CSTF2: variants seen among roughly 807,000 people sequenced by gnomAD.
CSTF2 encodes the protein cleavage stimulation factor subunit 2, also known as CF-1 64 kDa subunit.
A neutral mutation model predicts 45.4 loss-of-function variants in CSTF2; 8 were observed. The observed-to-expected ratio is 0.18, with a 90% CI of 0.10 to 0.32. The LOEUF (loss-of-function observed/expected upper bound fraction) is 0.32, where lower values mean the gene tolerates loss of function less well. Among genes scored for constraint, CSTF2 ranks in the 10% least tolerant of loss-of-function variants. The pLI is 1.00. For synonymous variants in CSTF2, 155 were observed against 158.9 expected (o/e 0.98, Z 0.18); for missense variants, 253 against 477.1 (o/e 0.53, Z 4.38).
chrX:100,823,755 T>A (rs1045226333), intron 4 of CSTF2, 131 bp from the exon 5 acceptor site: 2 of 793,149 alleles, frequency 2.5e-6, no homozygotes, highest in African/African-American at 4.2e-5. Context: ...ATGACCAAGG[T>A]TTTTTTGTGC....
Position 100,832,808 on chromosome X carries a change from C to G in CSTF2, c.1106C>G (p.Pro369Arg). 1 of 1,211,257 alleles carries G rather than the reference C, an allele frequency of 8.3e-7. No homozygotes were observed. The highest frequency in any genetic ancestry group is 1.7e-5 in the African/African-American group (1 of 57,858). The change falls in exon 10 of 14, where the codon CCA becomes CGA. Residue 369 changes from proline to arginine, a missense_variant. Around this residue, in one of 3 missense-constraint regions of CSTF2, gnomAD observed 200 missense variants for 294.0 expected, o/e 0.68. Coordinates refer to ENST00000372972, the MANE Select transcript of CSTF2 (RefSeq NM_001325.3). The stretch of plus-strand genomic sequence containing the variant: ...GGCCATGAGAGCCGAGGACCACCCC[C>G]ACATGAACTGAGGGGAGGGCCATTA... ...VPGHESRGPP[P>R]HELRGGPLPE...
intron 11 of CSTF2, among the ~76,000 whole-genome samples, chrX:100,835,904 T>C (rs1192110729): frequency 9.0e-6 from 1 of 111,453 alleles, no homozygotes; most frequent in Non-Finnish European, 1.9e-5. Context: ...AATTCCGAAT[T>C]GTGCTGCTAT....
intron 11 of CSTF2, among the ~76,000 whole-genome samples, chrX:100,836,591 C>T (rs1039575590): frequency 8.9e-6 from 1 of 111,787 alleles, no homozygotes; most frequent in Non-Finnish European, 1.9e-5. Context: ...GACATTCTAA[C>T]AGTTAGATTT....
At chrX:100,830,306 A>G (rs2147890906) in intron 8 of CSTF2, among the ~76,000 whole-genome samples, 1 of 112,320 alleles carries the variant, frequency 8.9e-6, no homozygotes. Flanking sequence ...GACAGCAGAA[A>G]TTTTTGTGCT....
chrX:100,825,984 G>T (rs2084941666), intron 6 of CSTF2, among the ~76,000 whole-genome samples: 1 of 111,339 alleles, frequency 9.0e-6, no homozygotes, highest in African/African-American at 3.3e-5. Flanking sequence ...AAACGTATAT[G>T]TGATTTTTTT....
At chrX:100,824,564 A>C (rs1002480161) in intron 6 of CSTF2, among the ~76,000 whole-genome samples, 2 of 112,084 alleles carry the variant, frequency 1.8e-5, no homozygotes, top group Non-Finnish European at 1.9e-5. Context: ...TTTAATCCTC[A>C]AAGCAATTGT....
At chrX:100,825,540 G>A (rs976174111) in intron 6 of CSTF2, among the ~76,000 whole-genome samples, 2 of 111,444 alleles carry the variant, frequency 1.8e-5, no homozygotes, top group Admixed American at 1.9e-4. Flanking sequence ...CATCTCTCAG[G>A]TTGGCAGAGG....
intron 8 of CSTF2, among the ~76,000 whole-genome samples, chrX:100,828,919 A>G (rs2084959191): frequency 8.9e-6 from 1 of 112,156 alleles, no homozygotes. Flanking sequence ...AGGTAAGTAA[A>G]TATTAATGTA....
At chrX:100,826,037 A>C (rs1417312517) in intron 6 of CSTF2, among the ~76,000 whole-genome samples, 3 of 111,093 alleles carry the variant, frequency 2.7e-5, no homozygotes, top group Non-Finnish European at 3.8e-5. Context: ...AGCTGTTTCT[A>C]ATTCAAGGGA....
chrX:100,823,917 G>A lies in CSTF2; in HGVS notation c.476G>A (p.Arg159Gln), dbSNP rs762790691. The part of the protein sequence containing the change: ...LCVQNSPQEA[R>Q]NMLLQNPQLA... ...GTCCAGAATAGTCCCCAGGAGGCACGGAACATGTTACTTCAGAACCCTCAA... is the reference window on the plus strand; with the variant it reads ...GTCCAGAATAGTCCCCAGGAGGCACAGAACATGTTACTTCAGAACCCTCAA... The change falls in exon 5 of 14, where the codon CGG (arginine) becomes CAG (glutamine). Residue 159 changes from arginine to glutamine, a missense_variant. Physicochemically the swap from Arg to Gln is conservative, Grantham distance 43. Around this residue, in one of 3 missense-constraint regions of CSTF2, gnomAD observed 45 missense variants for 147.5 expected, o/e 0.31. Coordinates refer to ENST00000372972, the MANE Select transcript of CSTF2 (RefSeq NM_001325.3). 8.3e-7 allele frequency: 1 copy of A among 1,210,958 alleles called. No individual in the cohort carries two copies. The highest frequency in any genetic ancestry group is 2.2e-5 in the Admixed American group (1 of 46,020).
At chrX:100,835,994 A>C (rs1333445344) in intron 11 of CSTF2, among the ~76,000 whole-genome samples, 2 of 111,980 alleles carry the variant, frequency 1.8e-5, no homozygotes, top group African/African-American at 6.5e-5. Context: ...TTATACTCAT[A>C]GGTGTTTCAG....
intron 3 of CSTF2, 104 bp downstream of exon 3, chrX:100,822,524 C>T (rs911740778): frequency 3.0e-5 from 25 of 840,671 alleles, no homozygotes; most frequent in African/African-American, 6.1e-5. Context: ...TGGTTAGCCA[C>T]GCAGCTTGTT....
intron 11 of CSTF2, 152 bp from the exon 12 acceptor site, chrX:100,837,187 T>TTG: frequency 5.2e-6 from 2 of 387,578 alleles, no homozygotes; most frequent in Non-Finnish European, 9.0e-6. Context: ...CCTTCTGCTA[T>TTG]TGCTAACAGT....
chrX:100,828,200 T>G (rs2084954972), intron 8 of CSTF2, 98 bp downstream of exon 8: 2 of 585,975 alleles, frequency 3.4e-6, no homozygotes, highest in South Asian at 4.2e-5. Context: ...CCATGGCTAT[T>G]TCAATATTAA....
rs1569440537 is a variant in CSTF2 at position 100,833,274 on chromosome X, A to G, written c.1302A>G (p.Ala434=). ...ATGCCAGAGGATTAGAGGCCCGTGC[A>G]ATGGAGGCCCGTGCGATGGAAGCTC... ...GLDARGLEAR[A]MEARAMEARA... Residue 434 remains alanine (A), a synonymous_variant, in exon 11 of 14, where the codon GCA becomes GCG. Coordinates refer to ENST00000372972, the MANE Select transcript of CSTF2 (RefSeq NM_001325.3). 11 of 1,209,179 alleles carry G rather than the reference A, an allele frequency of 9.1e-6. No homozygotes were observed. The highest frequency in any genetic ancestry group is 1.1e-5 in the Non-Finnish European group (10 of 894,414).
At chrX:100,840,354 C>T (rs1410060439) in intron 13 of CSTF2, among the ~76,000 whole-genome samples, 4 of 111,740 alleles carry the variant, frequency 3.6e-5, no homozygotes, top group African/African-American at 9.8e-5. Flanking sequence ...TGTCTTGAGA[C>T]GTTTTTGGTC....
chrX:100,826,311 T>TA (rs397699179), intron 6 of CSTF2, among the ~76,000 whole-genome samples: 2 of 104,899 alleles, frequency 1.9e-5, no homozygotes, highest in Non-Finnish European at 3.9e-5. Flanking sequence ...TTTTTTTTTT[T>TA]ACTCTTATTG....
intron 8 of CSTF2, among the ~76,000 whole-genome samples, chrX:100,828,386 G>A (rs150355616): frequency 0.015 from 1,639 of 111,735 alleles, 26 homozygotes; most frequent in African/African-American, 0.051. Context: ...TTTCCACCTG[G>A]TGATTCAGAG....
rs1472093765 is a variant in CSTF2 at position 100,841,270 on chromosome X, C to A, written c.*560C>A. 2.7e-5 allele frequency among the ~76,000 whole-genome samples: 3 copies of A among 112,436 alleles called. No individual in the cohort carries two copies. Among genetic ancestry groups the A allele is most frequent in the Non-Finnish European group, 5.6e-5 (3 of 53,294 alleles). Reference sequence around the variant, plus strand: ...TAACAGAGCAAAGAGCCTAGCACAGCTGTGTGTTTAGTTTAGAAAAATCCA... The same window carrying A: ...TAACAGAGCAAAGAGCCTAGCACAGATGTGTGTTTAGTTTAGAAAAATCCA... On this transcript the variant is annotated 3_prime_UTR_variant, in exon 14 of 14. Transcript: ENST00000372972.
Sources: allele counts gnomAD v4.1 joint callset (sites outside exome capture counted in the v4.1 genomes callset), GRCh38; gene constraint gnomAD v4.1.1; regional missense constraint gnomAD v4.1.1; transcripts MANE v1.5; gene names NCBI Gene and HGNC (gene_info 2026-07-23, HGNC 2026-07-21).